Variants in DTWD1 observed in about 807,000 individuals in gnomAD.
DTWD1 encodes tRNA-uridine aminocarboxypropyltransferase 1.
In DTWD1, 27 loss-of-function variants were observed where a neutral mutation model predicts 30.2. The ratio of observed to expected loss-of-function variants is 0.90; its 90% CI spans 0.66 to 1.23. DTWD1 has a LOEUF of 1.23. DTWD1 is among the 50% of genes most tolerant of loss of function. DTWD1 has a pLI of 0.00. For synonymous variants in DTWD1, 99 were observed against 113.1 expected (o/e 0.88, Z 0.79); for missense variants, 342 against 348.8 (o/e 0.98, Z 0.15).
intron 4 of DTWD1, among the ~76,000 whole-genome samples, chr15:49,636,172 G>GT: frequency 1.3e-5 from 2 of 152,080 alleles, no homozygotes. Context: ...GTTGTAGCAT[G>GT]TATCAATAGG....
chr15:49,621,264 G>A (rs973674079), intron 1 of DTWD1, 142 bp downstream of exon 1: 1 of 152,178 alleles, frequency 6.6e-6, no homozygotes, highest in Non-Finnish European at 1.5e-5. Context: ...CGCCTGTGAG[G>A]GGGATCCTCG....
Position 49,645,249 on chromosome 15 carries a change from G to A in DTWD1, c.*1671G>A, listed in dbSNP as rs2079109860. On this transcript the variant is annotated 3_prime_UTR_variant, in exon 5 of 5. Transcript: ENST00000403028. The stretch of plus-strand genomic sequence containing the variant: ...GAACAATTCCTATTAATATACATGG[G>A]GCAACTGAGAATTAAAGAGGTAAGT... 6.6e-6 allele frequency: 1 copy of A among 152,012 alleles called. No individual in the cohort carries two copies. The highest frequency in any genetic ancestry group is 2.4e-5 in the African/African-American group (1 of 41,378). 9.4% of individuals were successfully genotyped at this position (152,012 alleles called of 1,614,324 possible).
At position 49,634,539 on chromosome 15, in the gene DTWD1, G is replaced by T; in HGVS notation, c.412G>T (p.Ala138Ser). ...AACCCAATTTTCTTTGTTTTAGGTT[G>T]CACTCATTTTTCCTGGACCTCAGTC... is the stretch of plus-strand genomic sequence containing the variant. ...PEYEEKDHEV[A>S]LIFPGPQSIS... is the part of the protein sequence containing the mutation. Residue 138 changes from alanine to serine, a missense_variant, in exon 4 of 5, where the codon GCA becomes TCA. Transcript: ENST00000403028. 1 of 1,607,092 alleles carries T rather than the reference G, an allele frequency of 6.2e-7. No homozygotes were observed. Among genetic ancestry groups the T allele is most frequent in the Non-Finnish European group, 8.5e-7 (1 of 1,177,306 alleles).
chr15:49,641,139 T>G (rs1027772457), intron 4 of DTWD1, among the ~76,000 whole-genome samples: 10 of 152,054 alleles, frequency 6.6e-5, no homozygotes, highest in Non-Finnish European at 1.0e-4. Flanking sequence ...CGTTTCAATC[T>G]GATAATCTAT....
At chr15:49,631,084 A>G (rs562214370) in intron 2 of DTWD1, 1 of 360,770 alleles carries the variant, frequency 2.8e-6, no homozygotes, top group Non-Finnish European at 5.6e-6. Flanking sequence ...ATTTCATTAT[A>G]TATTATAATG....
At position 49,643,259 on chromosome 15, in the gene DTWD1, A is replaced by C. The variant is rs151242526; in HGVS notation, c.668-72A>C. Reference sequence around the variant, plus strand: ...TAAGAGAAATCATTATTATTGTACCAAGCCTGTGGTTAAGAAGAAATATTT... The same window carrying C: ...TAAGAGAAATCATTATTATTGTACCCAGCCTGTGGTTAAGAAGAAATATTT... On this transcript the variant is annotated intron_variant, in intron 4 of 4. Coordinates refer to ENST00000403028, the MANE Select transcript of DTWD1 (RefSeq NM_001144955.2). 935 of 1,415,946 alleles carry C rather than the reference A, an allele frequency of 6.6e-4. 13 individuals carry two copies. In the East Asian group the frequency reaches 0.02, roughly 31 times the overall value. 87.7% of individuals were successfully genotyped at this position (1,415,946 alleles called of 1,614,324 possible).
chr15:49,643,777 AACTT>A lies in DTWD1; in HGVS notation c.*204_*207del, dbSNP rs2079094796. On this transcript the variant is annotated 3_prime_UTR_variant, in exon 5 of 5. Coordinates refer to ENST00000403028, the MANE Select transcript of DTWD1 (RefSeq NM_001144955.2). ...TTTTCAGAGATACTGTTGATTGAAAAACTTACTTCAGAAGTTATTTGCTCAGTGA... is the reference window on the plus strand; with the variant it reads ...TTTTCAGAGATACTGTTGATTGAAAAACTTCAGAAGTTATTTGCTCAGTGA... 1.7e-5 allele frequency: 8 copies of A among 482,334 alleles called. No homozygotes were observed. Among genetic ancestry groups the A allele is most frequent in the Admixed American group, 1.3e-4 (3 of 23,864 alleles). 29.9% of individuals were successfully genotyped at this position (482,334 alleles called of 1,614,324 possible).
rs1247026595 is a variant in DTWD1, at chr15:49,649,436, G to A, written c.*5858G>A. On this transcript the variant is annotated 3_prime_UTR_variant, in exon 5 of 5. Coordinates refer to ENST00000403028, the MANE Select transcript of DTWD1 (RefSeq NM_001144955.2). ...GAAGGAAACCAAAAACCAAAAAAGA[G>A]AGCATTAAGAAGTCAGCAGGCCAGG... is the stretch of plus-strand genomic sequence containing the variant. The A allele has an allele frequency of 6.6e-6, 1 of 152,058 alleles. No homozygotes were observed. The highest frequency in any genetic ancestry group is 1.5e-5 in the Non-Finnish European group (1 of 67,994). 9.4% of individuals were successfully genotyped at this position (152,058 alleles called of 1,614,324 possible). A position where few individuals can be genotyped will look rare whatever the true frequency, so the allele number is the denominator to read the frequency against.
In DTWD1 at chr15:49,648,027, C is replaced by T. The variant is rs2079131224; in HGVS notation, c.*4449C>T. On this transcript the variant is annotated 3_prime_UTR_variant, in exon 5 of 5. Coordinates refer to ENST00000403028, the MANE Select transcript of DTWD1 (RefSeq NM_001144955.2). Reference sequence around the variant, plus strand: ...CTTAGTTAAAAGTTGTAAATGCAACCATAGGCTACATGTTACATTGTATTT... The same window carrying T: ...CTTAGTTAAAAGTTGTAAATGCAACTATAGGCTACATGTTACATTGTATTT... The T allele has an allele frequency of 6.6e-6, 1 of 151,902 alleles. No homozygotes were observed. Among genetic ancestry groups the T allele is most frequent in the East Asian group, 1.9e-4 (1 of 5,174 alleles). The allele number at this position is 151,902 out of a possible 1,614,324, so 9.4% of individuals were successfully genotyped here.
At chr15:49,635,840 G>A (rs1313333878) in intron 4 of DTWD1, among the ~76,000 whole-genome samples, 2 of 152,098 alleles carry the variant, frequency 1.3e-5, no homozygotes, top group Non-Finnish European at 2.9e-5. Flanking sequence ...GAATTAACAT[G>A]TAGTAAACTA....
At chr15:49,636,707 G>A (rs950026103) in intron 4 of DTWD1, among the ~76,000 whole-genome samples, 5 of 152,070 alleles carry the variant, frequency 3.3e-5, no homozygotes, top group African/African-American at 1.2e-4. Flanking sequence ...TATCGTTTGG[G>A]TATAATTATT....
chr15:49,641,614 T>G (rs1296098435), intron 4 of DTWD1, among the ~76,000 whole-genome samples: 1 of 152,132 alleles, frequency 6.6e-6, no homozygotes, highest in Non-Finnish European at 1.5e-5. Context: ...TTTAATTTGG[T>G]CTCTTGTTGG....
rs5812490 is a variant in DTWD1, at chr15:49,643,306, C to CTTTTTTTT, written c.668-13_668-6dup. On this transcript the variant is annotated intron_variant, in intron 4 of 4. Coordinates refer to ENST00000403028, the MANE Select transcript of DTWD1 (RefSeq NM_001144955.2). ...ATTTATATTTTTTCTTTCTTTCTTT[C>CTTTTTTTT]TTTTTTTTTTTTTTTTTTTGACAGG... The CTTTTTTTT allele has an allele frequency of 3.7e-4, 441 of 1,201,716 alleles. 4 individuals carry two copies. Among genetic ancestry groups the CTTTTTTTT allele is most frequent in the South Asian group, 1.6e-3 (74 of 47,222 alleles). The allele number at this position is 1,201,716 out of a possible 1,614,324, so 74.4% of individuals were successfully genotyped here.
chr15:49,639,487 A>G (rs2079040725), intron 4 of DTWD1, among the ~76,000 whole-genome samples: 1 of 152,196 alleles, frequency 6.6e-6, no homozygotes, highest in Admixed American at 6.5e-5. Flanking sequence ...GCTTGAGCCC[A>G]GGAGTTCAAG....
Position 49,643,424 on chromosome 15 carries a change from T to G in DTWD1, c.761T>G (p.Ile254Ser). Residue 254 changes from isoleucine to serine, a missense_variant, in exon 5 of 5, where the codon ATT becomes AGT. Transcript: ENST00000403028. ...ACTTTCCTTTCTACAATTGAAGCCA[T>G]TTACTACTTTCTGGTAGACTACCAT... is the stretch of plus-strand genomic sequence containing the variant. ...PDTFLSTIEA[I>S]YYFLVDYHTD... 1 of 1,605,612 alleles carries G rather than the reference T, an allele frequency of 6.2e-7. No individual in the cohort carries two copies. The highest frequency in any genetic ancestry group is 8.5e-7 in the Non-Finnish European group (1 of 1,176,858).
chr15:49,625,687 G>T (rs1479257576), intron 2 of DTWD1, among the ~76,000 whole-genome samples: 1 of 152,150 alleles, frequency 6.6e-6, no homozygotes, highest in Non-Finnish European at 1.5e-5. Context: ...CCCTAATGCA[G>T]TTCCTGTCCC....
Position 49,634,674 on chromosome 15 carries a change from G to C in DTWD1, c.547G>C (p.Glu183Gln). ...KPSFKRKRTE[E>Q]QEFCDLNDSK... ...ATCTTTTAAACGCAAAAGAACTGAA[G>C]AACAAGAGTTCTGTGATTTGAATGA... Residue 183 changes from glutamate (E) to glutamine (Q), a missense_variant, in exon 4 of 5, where the codon GAA (glutamate) becomes CAA (glutamine). Coordinates refer to ENST00000403028, the MANE Select transcript of DTWD1 (RefSeq NM_001144955.2). 1 of 1,613,480 alleles carries C rather than the reference G, an allele frequency of 6.2e-7. No homozygotes were observed. Among genetic ancestry groups the C allele is most frequent in the Non-Finnish European group, 8.5e-7 (1 of 1,179,736 alleles).
intron 2 of DTWD1, chr15:49,629,948 A>G (rs2078896991): frequency 6.6e-6 from 1 of 152,168 alleles, no homozygotes; most frequent in Admixed American, 6.5e-5. Flanking sequence ...CCCCAACATA[A>G]TTGTCCAGGA....
rs939996897 is a variant in DTWD1 at position 49,653,553 on chromosome 15, G to C, written c.*9975G>C. The C allele has an allele frequency of 2.0e-5, 3 of 152,184 alleles. No homozygotes were observed. The highest frequency in any genetic ancestry group is 7.2e-5 in the African/African-American group (3 of 41,456). 9.4% of individuals were successfully genotyped at this position (152,184 alleles called of 1,614,324 possible). On this transcript the variant is annotated 3_prime_UTR_variant, in exon 5 of 5. Transcript: ENST00000403028. The stretch of plus-strand genomic sequence containing the variant: ...GCTGCCAGCTAAGCCTTGAAGAATA[G>C]TGAACAAACTCTTACTGGAGGATGG...
Sources: gnomAD v4.1 joint callset for allele counts (sites outside exome capture counted in the v4.1 genomes callset) on GRCh38, gnomAD v4.1.1 for gene constraint, MANE v1.5 for transcripts, NCBI Gene and HGNC (gene_info 2026-07-23, HGNC 2026-07-21) for gene names.